Variants in CYP2C8 observed in about 807,000 individuals in gnomAD.
CYP2C8 encodes cytochrome P450 family 2 subfamily C member 8, also known as cytochrome P450 2C8.
CYP2C8 carries 51 observed loss-of-function variants against 41.3 expected under a neutral mutation model. The observed-to-expected ratio is 1.24, with a 90% confidence interval of 0.99 to 1.56. CYP2C8 has a LOEUF of 1.56. CYP2C8 is among the 40% of genes most tolerant of loss of function. The pLI is 0.00. For missense variants in CYP2C8, 651 were observed against 579.9 expected (o/e 1.12, Z -1.26); for synonymous variants, 218 against 205.8 (o/e 1.06, Z -0.51).
Position 95,045,746 on chromosome 10 carries a change from G to A in CYP2C8, c.961+64C>T, listed in dbSNP as rs554746739. 9 of 1,591,812 alleles carry A rather than the reference G, an allele frequency of 5.7e-6. No individual in the cohort carries two copies. In the East Asian group the frequency reaches 2.0e-4, roughly 36 times the overall value. ...CTTCTCTGAGAGAAACAAGGTGGAG[G>A]ATACTGGCACCATCTTCTCAGCATT... On this transcript the variant is annotated intron_variant, in intron 6 of 8. Transcript: ENST00000371270.
In CYP2C8 at chr10:95,045,423, C is replaced by A. The variant is rs11572157; in HGVS notation, c.961+387G>T. Among the ~76,000 whole-genome samples the A allele has an allele frequency of 4.9e-4, 75 of 152,252 alleles. No individual in the cohort carries two copies. In the East Asian group the frequency reaches 0.013, roughly 27 times the overall value. ...CTTCAATAAAGATTGTTTTCATCTC[C>A]CCACCACAGCATTAGAGCATGGAAT... On this transcript the variant is annotated intron_variant, in intron 6 of 8. Coordinates refer to ENST00000371270, the MANE Select transcript of CYP2C8 (RefSeq NM_000770.3).
intron 7 of CYP2C8, among the ~76,000 whole-genome samples, chr10:95,041,324 CTG>C (rs1414953916): frequency 1.3e-5 from 2 of 152,170 alleles, no homozygotes; most frequent in African/African-American, 4.8e-5. Context: ...GCAGATGACA[CTG>C]TTAATTTCTA....
chr10:95,042,641 G>A (rs1266254717), intron 7 of CYP2C8, among the ~76,000 whole-genome samples: 1 of 152,198 alleles, frequency 6.6e-6, no homozygotes, highest in East Asian at 1.9e-4. Context: ...TCAGAAGAGT[G>A]TTTTGGGAAA....
chr10:95,040,827 A>G (rs1158225282), intron 7 of CYP2C8: 2 of 440,896 alleles, frequency 4.5e-6, no homozygotes, highest in Non-Finnish European at 4.5e-6. Flanking sequence ...ATAGGTTTTT[A>G]GGCATTTCAA....
Position 95,064,788 on chromosome 10 carries a change from T to C in CYP2C8, c.642+12A>G. ...TAAATGGTTTCCAAGGAAAATAAAA[T>C]CTTGGCCTTACCTGGATCCATGGGG... On this transcript the variant is annotated intron_variant, in intron 4 of 8. Transcript: ENST00000371270. The C allele has an allele frequency of 6.2e-7, 1 of 1,613,252 alleles. No homozygotes were observed. Among genetic ancestry groups the C allele is most frequent in the African/African-American group, 1.3e-5 (1 of 75,022 alleles).
intron 4 of CYP2C8, among the ~76,000 whole-genome samples, chr10:95,062,965 C>T (rs1053573738): frequency 1.3e-5 from 2 of 152,194 alleles, no homozygotes; most frequent in African/African-American, 4.8e-5. Context: ...TGAATATTGG[C>T]CACCACTCTC....
intron 5 of CYP2C8, among the ~76,000 whole-genome samples, chr10:95,052,111 G>C (rs540712210): frequency 6.6e-6 from 1 of 152,094 alleles, no homozygotes; most frequent in East Asian, 1.9e-4. Flanking sequence ...AGTCAGAGAT[G>C]AAAAAGAAGG....
rs183268186 is a variant in CYP2C8, at chr10:95,059,979, C to T, written c.643-1468G>A. ...AGATCTGTGGTATTATTTCTGAGGG[C>T]TCTGTTTTGTTCCATTGGTCTATAT... is the stretch of plus-strand genomic sequence containing the variant. On this transcript the variant is annotated intron_variant, in intron 4 of 8. Coordinates refer to ENST00000371270, the MANE Select transcript of CYP2C8 (RefSeq NM_000770.3). Among the ~76,000 whole-genome samples the T allele has an allele frequency of 5.4e-3, 827 of 151,988 alleles. 6 individuals are homozygous for T. The highest frequency in any genetic ancestry group is 0.019 in the African/African-American group (766 of 41,402).
intron 4 of CYP2C8, among the ~76,000 whole-genome samples, chr10:95,060,316 T>C (rs1171692129): frequency 2.0e-5 from 3 of 152,106 alleles, no homozygotes; most frequent in Non-Finnish European, 2.9e-5. Flanking sequence ...TCTTTTATTT[T>C]GTTGAGCAGT....
chr10:95,044,730 A>G (rs1490434490), intron 6 of CYP2C8, among the ~76,000 whole-genome samples: 2 of 152,148 alleles, frequency 1.3e-5, no homozygotes, highest in Non-Finnish European at 2.9e-5. Context: ...CCAGTGGGAA[A>G]AAATCAGGTA....
Position 95,064,905 on chromosome 10 carries a change from G to A in CYP2C8, c.537C>T (p.Cys179=). 1 of 1,613,482 alleles carries A rather than the reference G, an allele frequency of 6.2e-7. No individual in the cohort carries two copies. Among genetic ancestry groups the A allele is most frequent in the Non-Finnish European group, 8.5e-7 (1 of 1,179,974 alleles). Residue 179 remains cysteine (C), a synonymous_variant, in exon 4 of 9, where the codon TGC becomes TGT. Transcript: ENST00000371270. ...ILGCAPCNVI[C]SVVFQKRFDY... ...CAAATCGTTTCTGGAAAACAACGGA[G>A]CAGATCACATTGCAGGGAGCACAGC...
chr10:95,066,073 CTG>C (rs2033554063), intron 3 of CYP2C8, among the ~76,000 whole-genome samples: 1 of 146,972 alleles, frequency 6.8e-6, no homozygotes, highest in South Asian at 2.2e-4. Flanking sequence ...TTCAGAAAAA[CTG>C]TTGTTTTAGC....
chr10:95,066,828 T>G (rs1243980484), intron 3 of CYP2C8, among the ~76,000 whole-genome samples: 1 of 152,204 alleles, frequency 6.6e-6, no homozygotes, highest in African/African-American at 2.4e-5. Context: ...ATGTCCACTT[T>G]CCAAGTGTTC....
chr10:95,051,615 GT>G (rs894193535), intron 5 of CYP2C8, among the ~76,000 whole-genome samples: 1 of 152,002 alleles, frequency 6.6e-6, no homozygotes, highest in African/African-American at 2.4e-5. Context: ...TTCTGCTAGG[GT>G]TTTTATAGTT....
At chr10:95,059,737 G>A (rs572433492) in intron 4 of CYP2C8, among the ~76,000 whole-genome samples, 1 of 152,158 alleles carries the variant, frequency 6.6e-6, no homozygotes. Flanking sequence ...GTCCTGAATG[G>A]TATTGCCTAG....
At chr10:95,057,744 G>A (rs1439778655) in intron 5 of CYP2C8, among the ~76,000 whole-genome samples, 2 of 152,106 alleles carry the variant, frequency 1.3e-5, no homozygotes, top group Non-Finnish European at 2.9e-5. Context: ...ATGAAAACAG[G>A]ATTCACTCTC....
At position 95,067,535 on chromosome 10, in the gene CYP2C8, C is replaced by G; in HGVS notation, c.325G>C (p.Gly109Arg). 6.2e-7 allele frequency: 1 copy of G among 1,614,104 alleles called. No individual in the cohort carries two copies. Among genetic ancestry groups the G allele is most frequent in the South Asian group, 1.1e-5 (1 of 91,074 alleles). Residue 109 changes from glycine to arginine, a missense_variant, in exon 2 of 9, where the codon GGA becomes CGA. By Grantham distance (125) the Gly-to-Arg change is moderately radical (BLOSUM62 -2). Transcript: ENST00000371270. The part of the protein sequence containing the change: ...NSPISQRITK[G>R]LGIISSNGKR... ...CAGAAATATGTGCACCTACCAAGTC[C>G]TTTAGTAATTCTTTGAGATATTGGG...
rs564559304 is a variant in CYP2C8, at chr10:95,042,974, G to T, written c.1065C>A (p.Ile355=). Residue 355 remains isoleucine, a synonymous_variant, in exon 7 of 9, where the codon ATC becomes ATA. Transcript: ENST00000371270. ...TGGGGACAAGGTCACTGTATCTCTG[G>T]ATCTCGTGCACTACAGCATCAGTGT... The part of the protein sequence containing the change: ...MPYTDAVVHE[I]QRYSDLVPTG... The T allele has an allele frequency of 1.9e-6, 3 of 1,614,172 alleles. No homozygotes were observed. Among genetic ancestry groups the T allele is most frequent in the African/African-American group, 1.3e-5 (1 of 75,044 alleles).
intron 4 of CYP2C8, among the ~76,000 whole-genome samples, chr10:95,059,134 C>T (rs931045081): frequency 1.1e-4 from 17 of 152,168 alleles, no homozygotes; most frequent in Admixed American, 9.2e-4. Context: ...AGCAGCATGA[C>T]TTATAATCCT....
Sources: gnomAD v4.1 joint callset for allele counts (sites outside exome capture counted in the v4.1 genomes callset) on GRCh38, gnomAD v4.1.1 for gene constraint, MANE v1.5 for transcripts, NCBI Gene and HGNC (gene_info 2026-07-23, HGNC 2026-07-21) for gene names.